Variants in STXBP5L observed in about 807,000 individuals in gnomAD.
The protein encoded by STXBP5L is syntaxin binding protein 5L.
Under a neutral mutation model 144.5 loss-of-function variants are expected in STXBP5L, and 65 were observed. That is an observed-to-expected ratio of 0.45 (90% CI 0.37 to 0.55). The LOEUF is 0.55. STXBP5L is among the 20% of genes least tolerant of loss of function. STXBP5L has a pLI of 0.00. For synonymous variants in STXBP5L, 505 were observed against 469.6 expected (o/e 1.08, Z -0.97); for missense variants, 1,298 against 1,405.5 (o/e 0.92, Z 1.22).
intron 7 of STXBP5L, among the ~76,000 whole-genome samples, chr3:121,141,756 G>C (rs961161693): frequency 6.6e-6 from 1 of 151,740 alleles, no homozygotes; most frequent in Non-Finnish European, 1.5e-5. Flanking sequence ...CACACACAAA[G>C]AATGCCTAAG....
intron 3 of STXBP5L, among the ~76,000 whole-genome samples, chr3:120,971,335 C>T (rs191798483): frequency 1.3e-5 from 2 of 151,874 alleles, no homozygotes. Context: ...AAGTAGTGTA[C>T]ATTGTACTCA....
intron 3 of STXBP5L, among the ~76,000 whole-genome samples, chr3:121,009,222 A>G (rs1183270768): frequency 6.6e-6 from 1 of 152,006 alleles, no homozygotes; most frequent in Non-Finnish European, 1.5e-5. Flanking sequence ...CTTCAGTGGT[A>G]GATGTACTAT....
intron 24 of STXBP5L, among the ~76,000 whole-genome samples, chr3:121,413,745 T>G (rs942793309): frequency 1.8e-4 from 28 of 152,172 alleles, no homozygotes; most frequent in Non-Finnish European, 3.4e-4. Flanking sequence ...TGGGTTAGAA[T>G]TGAGCATTTG....
At chr3:121,192,221 A>G (rs1434117437) in intron 9 of STXBP5L, among the ~76,000 whole-genome samples, 3 of 152,188 alleles carry the variant, frequency 2.0e-5, no homozygotes, top group African/African-American at 7.2e-5. Flanking sequence ...CCCATTCACA[A>G]TTGCTTCAAA....
intron 9 of STXBP5L, chr3:121,158,337 A>G (rs2046194194): frequency 6.6e-6 from 1 of 152,192 alleles, no homozygotes; most frequent in African/African-American, 2.4e-5. Flanking sequence ...TCAGAAACTA[A>G]CAGTTGATCA....
At chr3:121,266,163 G>A (rs898618467) in intron 18 of STXBP5L, among the ~76,000 whole-genome samples, 3 of 152,150 alleles carry the variant, frequency 2.0e-5, no homozygotes, top group African/African-American at 4.8e-5. Flanking sequence ...AAACCTGGCA[G>A]AGACACAACA....
intron 9 of STXBP5L, among the ~76,000 whole-genome samples, chr3:121,165,551 T>A (rs945141318): frequency 6.6e-6 from 1 of 152,198 alleles, no homozygotes; most frequent in Non-Finnish European, 1.5e-5. Flanking sequence ...TATCCTGCTT[T>A]TGTTGTAGGA....
intron 20 of STXBP5L, among the ~76,000 whole-genome samples, chr3:121,348,978 G>A (rs1168989725): frequency 6.6e-6 from 1 of 152,030 alleles, no homozygotes; most frequent in Non-Finnish European, 1.5e-5. Flanking sequence ...TCTGATGTTA[G>A]TTATTTCTTC....
chr3:121,370,559 G>C lies in STXBP5L; in HGVS notation c.2177-8157G>C, dbSNP rs572989696. Among the ~76,000 whole-genome samples, 3 of 152,302 alleles carry C rather than the reference G, an allele frequency of 2.0e-5. No individual in the cohort carries two copies. The East Asian group carries it at 5.8e-4, about 29-fold the overall frequency. ...CAGCCTCAGGTGTGTCTCTATAGCA[G>C]TGTGAGAATGGACTAATACAGATGA... On this transcript the variant is annotated intron_variant, in intron 20 of 26. Transcript: ENST00000471454.
chr3:121,216,638 C>T (rs2048786502), intron 10 of STXBP5L, among the ~76,000 whole-genome samples: 2 of 152,186 alleles, frequency 1.3e-5, no homozygotes, highest in Non-Finnish European at 2.9e-5. Flanking sequence ...TGGGTTGTGT[C>T]TCCCAATCAG....
chr3:120,936,380 C>T lies in STXBP5L; in HGVS notation c.190-18560C>T, dbSNP rs1433242779. Reference sequence around the variant, plus strand: ...CTGTGTCTTTTTTGGTCTTTTAGTACATCTTGTAATTTTTAAAATGGAAAA... The same window carrying T: ...CTGTGTCTTTTTTGGTCTTTTAGTATATCTTGTAATTTTTAAAATGGAAAA... On this transcript the variant is annotated intron_variant, in intron 2 of 26. Coordinates refer to ENST00000471454, the MANE Select transcript of STXBP5L (RefSeq NM_001308330.2). Among the ~76,000 whole-genome samples, 5 of 117,828 alleles carry T rather than the reference C, an allele frequency of 4.2e-5. No homozygotes were observed. In the East Asian group the frequency reaches 6.2e-4, roughly 15 times the overall value. 77.3% of individuals were successfully genotyped at this position (117,828 alleles called of 152,430 possible).
chr3:120,971,015 C>G (rs554238211), intron 3 of STXBP5L, among the ~76,000 whole-genome samples: 1 of 152,238 alleles, frequency 6.6e-6, no homozygotes, highest in South Asian at 2.1e-4. Context: ...TGCCCCAGAA[C>G]TGTATTGTAG....
chr3:120,988,589 A>T (rs1407156853), intron 3 of STXBP5L, among the ~76,000 whole-genome samples: 1 of 152,036 alleles, frequency 6.6e-6, no homozygotes, highest in Non-Finnish European at 1.5e-5. Context: ...CTTTTGTTGG[A>T]TGAAATATTC....
rs1388311069 is a variant in STXBP5L at position 121,257,173 on chromosome 3, C to T, written c.1672C>T (p.Arg558Ter). 2.5e-6 allele frequency: 4 copies of T among 1,604,604 alleles called. No individual in the cohort carries two copies. The highest frequency in any genetic ancestry group is 2.2e-5 in the East Asian group (1 of 44,780). ...ITTEIVSLEVRLQYDVEDIIT... is the reference protein window; with the variant it reads ...ITTEIVSLEV Reference sequence around the variant, plus strand: ...TGATTTTTTTAAGTCATTAGAGGTACGACTTCAGTATGATGTTGAAGATAT... The same window carrying T: ...TGATTTTTTTAAGTCATTAGAGGTATGACTTCAGTATGATGTTGAAGATAT... Residue 558 changes from arginine to a stop codon, truncating the protein, a stop_gained, in exon 17 of 27, where the codon CGA (arginine) becomes TGA (stop). Transcript: ENST00000471454. LOFTEE classifies it high-confidence loss of function.
intron 18 of STXBP5L, among the ~76,000 whole-genome samples, chr3:121,273,085 A>C (rs1446456381): frequency 6.6e-6 from 1 of 152,098 alleles, no homozygotes; most frequent in East Asian, 1.9e-4. Context: ...TTTAACTATA[A>C]ATTTACATTT....
chr3:121,085,745 T>A (rs1432682644), intron 5 of STXBP5L, among the ~76,000 whole-genome samples: 1 of 152,202 alleles, frequency 6.6e-6, no homozygotes, highest in African/African-American at 2.4e-5. Flanking sequence ...ATGGCCATAT[T>A]GCCTAAAGCA....
At chr3:121,008,801 A>C (rs1944547737) in intron 3 of STXBP5L, among the ~76,000 whole-genome samples, 1 of 152,032 alleles carries the variant, frequency 6.6e-6, no homozygotes. Context: ...GTTGAGGCTA[A>C]ATCACTTTAT....
chr3:121,196,591 T>G (rs532381998), intron 9 of STXBP5L, among the ~76,000 whole-genome samples: 5 of 152,328 alleles, frequency 3.3e-5, no homozygotes, highest in African/African-American at 1.2e-4. Flanking sequence ...CTGTTTGCTT[T>G]CAGTTTAGTT....
At chr3:121,087,083 G>A (rs2042536042) in intron 5 of STXBP5L, among the ~76,000 whole-genome samples, 2 of 151,916 alleles carry the variant, frequency 1.3e-5, no homozygotes, top group Admixed American at 6.6e-5. Context: ...AATTGTTGAG[G>A]TTTGTTTTTC....
Sources: gnomAD v4.1 joint callset for allele counts (sites outside exome capture counted in the v4.1 genomes callset) on GRCh38, gnomAD v4.1.1 for gene constraint, MANE v1.5 for transcripts, NCBI Gene and HGNC (gene_info 2026-07-23, HGNC 2026-07-21) for gene names.